NCALD: variants seen among roughly 807,000 people sequenced by gnomAD.
NCALD encodes neurocalcin-delta.
A neutral mutation model predicts 18.6 loss-of-function variants in NCALD; 10 were observed. The observed-to-expected ratio is 0.54, with a 90% CI of 0.33 to 0.91. The LOEUF (loss-of-function observed/expected upper bound fraction) is 0.91, where lower values mean the gene tolerates loss of function less well. NCALD is among the 40% of genes least tolerant of loss of function. NCALD has a pLI of 0.03. For synonymous variants in NCALD, 88 were observed against 87.4 expected, an observed-to-expected ratio of 1.01 and a Z score of -0.04; for missense variants, 184 against 247.6, an observed-to-expected ratio of 0.74 and a Z score of 1.72.
At chr8:102,001,236 C>A (rs561733837) in intron 2 of NCALD, among the ~76,000 whole-genome samples, 6 of 152,252 alleles carry the variant, frequency 3.9e-5, no homozygotes, top group African/African-American at 1.4e-4. Context: ...AACGCACAAG[C>A]CTCAGTAGCT....
intron 2 of NCALD, among the ~76,000 whole-genome samples, chr8:101,926,534 A>C (rs1818340851): frequency 6.6e-6 from 1 of 152,150 alleles, no homozygotes. Context: ...TCTATTAGTG[A>C]CTATTTCCGT....
chr8:102,050,681 A>G (rs1475482429), intron 1 of NCALD, among the ~76,000 whole-genome samples: 2 of 147,402 alleles, frequency 1.4e-5, no homozygotes, highest in African/African-American at 2.5e-5. Context: ...ATATTCTACC[A>G]TTTATGTTTG....
chr8:102,005,015 C>A (rs778406986), intron 2 of NCALD, among the ~76,000 whole-genome samples: 1 of 152,118 alleles, frequency 6.6e-6, no homozygotes, highest in African/African-American at 2.4e-5. Flanking sequence ...GCAGCAAAAG[C>A]CAAAATTGAC....
intron 2 of NCALD, among the ~76,000 whole-genome samples, chr8:101,960,205 C>T (rs1461431868): frequency 6.6e-6 from 1 of 152,124 alleles, no homozygotes; most frequent in Non-Finnish European, 1.5e-5. Context: ...CCCACCATAC[C>T]ATTCTGGTGC....
chr8:101,929,697 G>T (rs1325489493), intron 2 of NCALD, among the ~76,000 whole-genome samples: 1 of 148,780 alleles, frequency 6.7e-6, no homozygotes, highest in African/African-American at 2.5e-5. Flanking sequence ...AGGAGGCAGG[G>T]AGGGAGGGGG....
At chr8:102,086,788 C>G (rs541261984) in intron 1 of NCALD, among the ~76,000 whole-genome samples, 4 of 152,302 alleles carry the variant, frequency 2.6e-5, no homozygotes, top group South Asian at 4.1e-4. Context: ...TTCAAAGTCA[C>G]AGGATGAGAT....
chr8:101,816,955 C>T (rs1813520641), intron 4 of NCALD, among the ~76,000 whole-genome samples: 1 of 152,074 alleles, frequency 6.6e-6, no homozygotes, highest in East Asian at 1.9e-4. Flanking sequence ...TAAAACTACG[C>T]TTTAAAAAGT....
At chr8:101,884,698 G>GTTTGTT (rs56870319) in intron 4 of NCALD, among the ~76,000 whole-genome samples, 39,393 of 151,406 alleles carry the variant, frequency 0.26, 5,449 homozygotes, top group East Asian at 0.38. Context: ...TACAAAAGCA[G>GTTTGTT]TTTGTTTTTG....
chr8:102,051,669 T>C (rs17414527), intron 1 of NCALD, among the ~76,000 whole-genome samples: 11,022 of 152,310 alleles, frequency 0.072, 527 homozygotes, highest in East Asian at 0.12. Context: ...GCTTTTCCAA[T>C]GTTCCTGAGC....
chr8:101,963,899 A>C (rs369543071), intron 2 of NCALD, among the ~76,000 whole-genome samples: 1 of 152,132 alleles, frequency 6.6e-6, no homozygotes, highest in East Asian at 1.9e-4. Flanking sequence ...AAAGGATCTT[A>C]ATGGTCTCCT....
chr8:102,031,925 A>G (rs1277359490), intron 1 of NCALD, among the ~76,000 whole-genome samples: 1 of 152,180 alleles, frequency 6.6e-6, no homozygotes, highest in Non-Finnish European at 1.5e-5. Context: ...AGTAAGCCCT[A>G]TGTAAGAATC....
At chr8:101,915,086 G>A (rs1817928392) in intron 3 of NCALD, among the ~76,000 whole-genome samples, 1 of 152,030 alleles carries the variant, frequency 6.6e-6, no homozygotes, top group Admixed American at 6.6e-5. Context: ...TTTAATCCTT[G>A]TAATAATCTC....
At chr8:101,751,835 G>A (rs556971359) in intron 1 of NCALD, among the ~76,000 whole-genome samples, 1 of 152,298 alleles carries the variant, frequency 6.6e-6, no homozygotes, top group Non-Finnish European at 1.5e-5. Context: ...GCTTTCAAAG[G>A]CTGCCAGGCC....
intron 4 of NCALD, among the ~76,000 whole-genome samples, chr8:101,839,236 A>G (rs1200307158): frequency 6.6e-6 from 1 of 152,072 alleles, no homozygotes; most frequent in African/African-American, 2.4e-5. Flanking sequence ...TGTTGTTGGC[A>G]TCGGGGAGAG....
intron 3 of NCALD, among the ~76,000 whole-genome samples, chr8:101,891,605 G>C (rs1816886947): frequency 6.6e-6 from 1 of 152,236 alleles, no homozygotes; most frequent in South Asian, 2.1e-4. Context: ...GAGGTATCGG[G>C]TTCATCTCAC....
At chr8:101,766,655 C>T (rs1419695424) in intron 1 of NCALD, among the ~76,000 whole-genome samples, 2 of 152,206 alleles carry the variant, frequency 1.3e-5, no homozygotes, top group Admixed American at 6.5e-5. Flanking sequence ...CAGCCCACTG[C>T]AACCTCTGAA....
In NCALD at chr8:101,686,700, C is replaced by G. The variant is rs1586197833; in HGVS notation, c.*2609G>C. On this transcript the variant is annotated 3_prime_UTR_variant, in exon 4 of 4. Transcript: ENST00000220931. The stretch of plus-strand genomic sequence containing the variant: ...ACAGCACCCCCAGCTCCCTCCCACT[C>G]TGAATGATGTATGAACAGTTGAGCA... The G allele has an allele frequency of 6.5e-6, 1 of 152,800 alleles. No individual in the cohort carries two copies. The highest frequency in any genetic ancestry group is 1.9e-4 in the East Asian group (1 of 5,194). The allele number at this position is 152,800 out of a possible 1,614,324, so 9.5% of individuals were successfully genotyped here.
At chr8:102,070,739 T>C (rs1824155345) in intron 1 of NCALD, among the ~76,000 whole-genome samples, 1 of 152,208 alleles carries the variant, frequency 6.6e-6, no homozygotes, top group Non-Finnish European at 1.5e-5. Context: ...CAATCACTTA[T>C]TTTCCTCCTA....
intron 3 of NCALD, among the ~76,000 whole-genome samples, chr8:101,887,460 T>C (rs1349122052): frequency 6.6e-6 from 1 of 152,158 alleles, no homozygotes; most frequent in Non-Finnish European, 1.5e-5. Flanking sequence ...AGAGTAGGAA[T>C]CAGCTCTGAG....
Sources: allele counts gnomAD v4.1 joint callset (sites outside exome capture counted in the v4.1 genomes callset), GRCh38; gene constraint gnomAD v4.1.1; transcripts MANE v1.5; gene names NCBI Gene and HGNC (gene_info 2026-07-23, HGNC 2026-07-21).